The following TENM3 variants were observed in gnomAD, a reference collection of about 807,000 sequenced individuals.
TENM3 encodes the protein teneurin transmembrane protein 3.
A neutral mutation model predicts 255.1 loss-of-function variants in TENM3; 63 were observed. That is an observed-to-expected ratio of 0.25 (90% CI 0.20 to 0.30). The LOEUF is 0.30. Among genes scored for constraint, TENM3 ranks in the 10% least tolerant of loss-of-function variants. The pLI is 1.00. For synonymous variants in TENM3, 1,306 were observed against 1,322.3 expected (o/e 0.99, Z 0.27); for missense variants, 2,929 against 3,461.1 (o/e 0.85, Z 3.86).
the TENM3 span, among the ~76,000 whole-genome samples, chr4:181,495,523 T>C: frequency 6.6e-6 from 1 of 150,448 alleles, no homozygotes; most frequent in Non-Finnish European, 1.5e-5. Flanking sequence ...TAAAGCTCCT[T>C]AGGACAGGTC....
chr4:182,228,570 A>G (rs1756352960), intron 1 of TENM3, among the ~76,000 whole-genome samples: 1 of 151,974 alleles, frequency 6.6e-6, no homozygotes, highest in Non-Finnish European at 1.5e-5. Context: ...AGCATGACAC[A>G]TGAAGTCAGT....
rs937289517 is a variant in TENM3 at position 182,301,068 on chromosome 4, A to C, written c.-75-22878A>C. 3.3e-5 allele frequency among the ~76,000 whole-genome samples: 5 copies of C among 152,246 alleles called. No individual in the cohort carries two copies. In the East Asian group the frequency reaches 5.8e-4, roughly 18 times the overall value. On this transcript the variant is annotated intron_variant, in intron 1 of 27. Coordinates refer to ENST00000511685, the MANE Select transcript of TENM3 (RefSeq NM_001080477.4). ...TTGAAAGAAGAATGAAGAGGACTGC[A>C]TCTTATGCGTATTAAGCCTCTGTAG...
chr4:182,196,712 G>A (rs1357917395), intron 1 of TENM3, among the ~76,000 whole-genome samples: 1 of 152,184 alleles, frequency 6.6e-6, no homozygotes, highest in African/African-American at 2.4e-5. Context: ...GTGACTTTAA[G>A]AAAAGTTGTG....
intron 4 of TENM3, among the ~76,000 whole-genome samples, chr4:182,610,744 CT>C (rs34833684): frequency 0.2 from 27,205 of 134,232 alleles, 3,059 homozygotes; most frequent in Non-Finnish European, 0.27. Flanking sequence ...ACTAAAGTTA[CT>C]TTTTTTTTTT....
chr4:182,348,931 AG>A (rs1457153940), intron 3 of TENM3, among the ~76,000 whole-genome samples: 2 of 152,216 alleles, frequency 1.3e-5, no homozygotes, highest in Admixed American at 6.5e-5. Flanking sequence ...TAACTAGAGG[AG>A]GAAATTGTTT....
chr4:182,535,186 A>G (rs1009331523), intron 3 of TENM3, among the ~76,000 whole-genome samples: 6 of 152,248 alleles, frequency 3.9e-5, no homozygotes, highest in Non-Finnish European at 8.8e-5. Context: ...GAAATCCTGC[A>G]GAGTTTCAAA....
At chr4:181,588,462 T>G in the TENM3 span, among the ~76,000 whole-genome samples, 123 of 152,164 alleles carry the variant, frequency 8.1e-4, 1 homozygote, top group Non-Finnish European at 2.8e-4. Flanking sequence ...TTGTTCAGAA[T>G]ATTGTCATTA....
intron 24 of TENM3, among the ~76,000 whole-genome samples, chr4:182,780,967 G>T (rs1350960953): frequency 2.0e-5 from 3 of 151,200 alleles, no homozygotes; most frequent in Non-Finnish European, 1.5e-5. Context: ...CTGAGACAAT[G>T]GGGTTTTCTA....
chr4:182,644,931 A>AT (rs554168209), intron 5 of TENM3, among the ~76,000 whole-genome samples: 10 of 151,260 alleles, frequency 6.6e-5, no homozygotes, highest in South Asian at 2.1e-4. Context: ...TATTACTATA[A>AT]TTTTTTTTTC....
intron 1 of TENM3, among the ~76,000 whole-genome samples, chr4:182,160,662 G>A (rs1434629325): frequency 1.3e-5 from 2 of 152,186 alleles, no homozygotes; most frequent in African/African-American, 4.8e-5. Flanking sequence ...GAGTAGAATG[G>A]TGGTTACCAG....
the TENM3 span, chr4:181,523,124 A>T: frequency 2.3e-6 from 1 of 429,652 alleles, no homozygotes; most frequent in Admixed American, 2.9e-5. Context: ...AACATCATGT[A>T]TTTGTACTAG....
the TENM3 span, among the ~76,000 whole-genome samples, chr4:181,640,980 A>G: frequency 6.6e-6 from 1 of 152,214 alleles, no homozygotes; most frequent in Non-Finnish European, 1.5e-5. Flanking sequence ...ATTTCTTCAA[A>G]AAAGACTAGT....
At chr4:181,536,297 A>T in the TENM3 span, among the ~76,000 whole-genome samples, 1 of 152,194 alleles carries the variant, frequency 6.6e-6, no homozygotes, top group Non-Finnish European at 1.5e-5. Context: ...GAGTAATTGC[A>T]ATGTTCGGCC....
chr4:181,629,398 C>T, the TENM3 span, among the ~76,000 whole-genome samples: 1 of 152,168 alleles, frequency 6.6e-6, no homozygotes, highest in Non-Finnish European at 1.5e-5. Context: ...TGAGAGAGCG[C>T]ATCCCTGTCT....
At chr4:181,828,853 G>A in the TENM3 span, among the ~76,000 whole-genome samples, 1 of 152,158 alleles carries the variant, frequency 6.6e-6, no homozygotes, top group Admixed American at 6.5e-5. Flanking sequence ...GCCTCCCAAA[G>A]TGCTGGGATT....
chr4:182,690,465 AG>A (rs1394533639), intron 12 of TENM3, among the ~76,000 whole-genome samples: 1 of 152,232 alleles, frequency 6.6e-6, no homozygotes, highest in Non-Finnish European at 1.5e-5. Context: ...TACCAGAGGC[AG>A]GGCAGGAAAA....
the TENM3 span, among the ~76,000 whole-genome samples, chr4:181,553,297 G>GTGTGTA: frequency 9.0e-6 from 1 of 111,224 alleles, no homozygotes; most frequent in African/African-American, 3.8e-5. Flanking sequence ...GTGTGTGTGT[G>GTGTGTA]TAGTGTGTGT....
intron 1 of TENM3, among the ~76,000 whole-genome samples, chr4:182,164,265 G>C (rs572768141): frequency 6.6e-6 from 1 of 152,044 alleles, no homozygotes; most frequent in Non-Finnish European, 1.5e-5. Flanking sequence ...ATCTTTCCTG[G>C]GTGGCCCACA....
chr4:182,050,041 G>A, the TENM3 span, among the ~76,000 whole-genome samples: 1 of 151,664 alleles, frequency 6.6e-6, no homozygotes, highest in Non-Finnish European at 1.5e-5. Context: ...CTCCCAGGTT[G>A]GAGTGCAGTG....
Sources: gnomAD v4.1 joint callset for allele counts (sites outside exome capture counted in the v4.1 genomes callset) on GRCh38, gnomAD v4.1.1 for gene constraint, MANE v1.5 for transcripts, NCBI Gene and HGNC (gene_info 2026-07-23, HGNC 2026-07-21) for gene names.